Variants in MROH1 observed in about 807,000 individuals in gnomAD.
MROH1 encodes the protein maestro heat-like repeat-containing protein family member 1.
A neutral mutation model predicts 116.5 loss-of-function variants in MROH1; 117 were observed. The ratio of observed to expected loss-of-function variants is 1.00; its 90% CI spans 0.86 to 1.17. The LOEUF (loss-of-function observed/expected upper bound fraction) is 1.17. Among genes scored for constraint, MROH1 ranks in the 50% most tolerant of loss-of-function variants. MROH1 has a pLI of 0.00. For synonymous variants in MROH1, 921 were observed against 583.9 expected (o/e 1.58, Z -8.32); for missense variants, 1,873 against 1,338.5 (o/e 1.40, Z -6.23).
At chr8:144,150,139 TGTG>T (rs1816369029) in intron 1 of MROH1, among the ~76,000 whole-genome samples, 2 of 152,142 alleles carry the variant, frequency 1.3e-5, no homozygotes, top group Non-Finnish European at 2.9e-5. Context: ...GCACCTCTGT[TGTG>T]GGCACAGGTG....
intron 12 of MROH1, among the ~76,000 whole-genome samples, chr8:144,217,587 G>T (rs1835545752): frequency 6.6e-6 from 1 of 152,152 alleles, no homozygotes; most frequent in South Asian, 2.1e-4. Flanking sequence ...AAACCTTATT[G>T]TTGGTTGTTG....
intron 12 of MROH1, among the ~76,000 whole-genome samples, chr8:144,218,681 CCCTCCCCTCTCT>C (rs1427116444): frequency 0.01 from 531 of 52,238 alleles, 7 homozygotes; most frequent in Middle Eastern, 0.041. Flanking sequence ...GTCCCCTCTC[CCCTCCCCTCTCT>C]CCTCCCCTCT....
chr8:144,158,350 A>ACTC (rs1818679211), intron 1 of MROH1, among the ~76,000 whole-genome samples: 1 of 150,066 alleles, frequency 6.7e-6, no homozygotes, highest in Admixed American at 6.6e-5. Flanking sequence ...CTGGTCTCGA[A>ACTC]CTGACCTCAA....
chr8:144,161,543 T>C (rs1819531533), intron 2 of MROH1, among the ~76,000 whole-genome samples: 1 of 152,220 alleles, frequency 6.6e-6, no homozygotes, highest in African/African-American at 2.4e-5. Context: ...GCTGGGCTCT[T>C]AGGGCTCCGC....
intron 1 of MROH1, among the ~76,000 whole-genome samples, 155 bp from the exon 2 acceptor site, chr8:144,160,815 A>G (rs1819341020): frequency 6.6e-6 from 1 of 151,910 alleles, no homozygotes; most frequent in Non-Finnish European, 1.5e-5. Flanking sequence ...GCACCAGACA[A>G]ATTTATTACC....
chr8:144,169,525 C>A lies in MROH1; in HGVS notation c.168+1085C>A, dbSNP rs57936309. Among the ~76,000 whole-genome samples, 3 of 150,840 alleles carry A rather than the reference C, an allele frequency of 2.0e-5. No individual in the cohort carries two copies. In the East Asian group the frequency reaches 5.8e-4, roughly 29 times the overall value. ...TGGAGTGCAGTGGACCATCTCGGCT[C>A]ACTGCAACGTCCACCTCCCGGGTTC... is the stretch of plus-strand genomic sequence containing the variant. On this transcript the variant is annotated intron_variant, in intron 4 of 43. Coordinates refer to ENST00000326134, the MANE Select transcript of MROH1 (RefSeq NM_032450.3).
chr8:144,175,932 C>T (rs1564397916), intron 4 of MROH1, among the ~76,000 whole-genome samples: 1 of 152,134 alleles, frequency 6.6e-6, no homozygotes, highest in Non-Finnish European at 1.5e-5. Context: ...GCCTGTAGTT[C>T]CAGCTGCTCA....
chr8:144,208,250 G>T (rs375984864), intron 12 of MROH1, among the ~76,000 whole-genome samples: 14 of 152,180 alleles, frequency 9.2e-5, no homozygotes, highest in Middle Eastern at 3.4e-3. Flanking sequence ...GGCCTGCAAG[G>T]TTATTTTTAT....
rs1264713402 is a variant in MROH1 at position 144,244,595 on chromosome 8, C to T, written c.2766+56C>T. 19 of 718,642 alleles carry T rather than the reference C, an allele frequency of 2.6e-5. No individual in the cohort carries two copies. The Admixed American group carries it at 3.6e-4, about 14-fold the overall frequency. The allele number at this position is 718,642 out of a possible 1,614,324, so 44.5% of individuals were successfully genotyped here. ...GGATGGGGGCACAGAGGGCACTCCA[C>T]CTGGCTGCTGGCCCTCTCTCCACAT... On this transcript the variant is annotated intron_variant, in intron 28 of 43. Transcript: ENST00000326134.
rs1011710458 is a variant in MROH1, at chr8:144,160,999, C to G, written c.-147C>G. 6.5e-6 allele frequency: 1 copy of G among 152,756 alleles called. No individual in the cohort carries two copies. The highest frequency in any genetic ancestry group is 2.1e-4 in the South Asian group (1 of 4,838). 9.5% of individuals were successfully genotyped at this position (152,756 alleles called of 1,614,324 possible). On this transcript the variant is annotated 5_prime_UTR_variant, in exon 2 of 44. Transcript: ENST00000326134. ...GAAGCTCCTGTTTTCTTGTCAGCCG[C>G]CAGCTGAGGGCCATTCGCAGCTTCT...
chr8:144,190,811 T>A lies in MROH1; in HGVS notation c.590T>A (p.Leu197Gln). The A allele has an allele frequency of 6.2e-7, 1 of 1,613,652 alleles. No individual in the cohort carries two copies. Among genetic ancestry groups the A allele is most frequent in the Non-Finnish European group, 8.5e-7 (1 of 1,179,850 alleles). The change falls in exon 8 of 44, where the codon CTG becomes CAG. Residue 197 changes from leucine (L) to glutamine (Q), a missense_variant. Transcript: ENST00000326134. ...SALQRFSEGA[L>Q]EYLANLDRAP... The stretch of plus-strand genomic sequence containing the variant: ...CTGCAGCGCTTCAGCGAGGGTGCCC[T>A]GGAGTACCTAGCCAACCTGGACCGA...
Position 144,258,469 on chromosome 8 carries a change from C to G in MROH1, c.3792-308C>G, listed in dbSNP as rs1021517062. On this transcript the variant is annotated intron_variant, in intron 35 of 43. Coordinates refer to ENST00000326134, the MANE Select transcript of MROH1 (RefSeq NM_032450.3). Reference sequence around the variant, plus strand: ...TGGGTGCCCAGCAGCGTCTGGGTGTCCGGAAAGGAAGGCCGGTGCAGCCAG... The same window carrying G: ...TGGGTGCCCAGCAGCGTCTGGGTGTGCGGAAAGGAAGGCCGGTGCAGCCAG... Among the ~76,000 whole-genome samples, 3 of 152,162 alleles carry G rather than the reference C, an allele frequency of 2.0e-5. No homozygotes were observed. The East Asian group carries it at 5.8e-4, about 29-fold the overall frequency.
chr8:144,158,012 A>T (rs1410224956), intron 1 of MROH1, among the ~76,000 whole-genome samples: 39 of 62,088 alleles, frequency 6.3e-4, no homozygotes, highest in African/African-American at 7.0e-4. Flanking sequence ...TTTTTTTTTG[A>T]GATGGAGTCT....
At chr8:144,215,313 G>T (rs1205896081) in intron 12 of MROH1, among the ~76,000 whole-genome samples, 2 of 152,214 alleles carry the variant, frequency 1.3e-5, no homozygotes, top group Non-Finnish European at 2.9e-5. Context: ...TGATGAAGAT[G>T]ACCTTAACAC....
intron 4 of MROH1, chr8:144,174,858 T>G: frequency 2.0e-6 from 2 of 985,428 alleles, no homozygotes; most frequent in Non-Finnish European, 2.4e-6. Flanking sequence ...CATAACCCAT[T>G]GCAGACTTGC....
At position 144,255,566 on chromosome 8, in the gene MROH1, G is replaced by C. The variant is rs1020916524; in HGVS notation, c.3652G>C (p.Glu1218Gln). The C allele has an allele frequency of 1.3e-6, 1 of 779,236 alleles. No individual in the cohort carries two copies. Among genetic ancestry groups the C allele is most frequent in the Admixed American group, 1.7e-5 (1 of 59,006 alleles). The allele number at this position is 779,236 out of a possible 1,614,324, so 48.3% of individuals were successfully genotyped here. Residue 1218 changes from glutamate to glutamine, a missense_variant, in exon 35 of 44, where the codon GAG (glutamate) becomes CAG (glutamine). Transcript: ENST00000326134. ...STPAAGPAVLELYPQLFVVLL... is the reference protein window; with the variant it reads ...STPAAGPAVLQLYPQLFVVLL... ...GCCTGCAGCGGGGCCCGCGGTGCTC[G>C]AGCTCTACCCCCAGCTGTTTGTGGT...
Position 144,261,316 on chromosome 8 carries a change from C to G in MROH1, c.4807C>G (p.Gln1603Glu). The change falls in exon 43 of 44, where the codon CAG becomes GAG. Residue 1603 changes from glutamine (Q) to glutamate (E), a missense_variant. Physicochemically the swap from Gln to Glu is conservative, Grantham distance 29. Transcript: ENST00000326134. ...GGTGCTGCACTCGGAGCCCAGGCAG[C>G]AGCCGCAGGTGGACCTGGACCAGCT... ...FLVLHSEPRQ[Q>E]PQVDLDQLIA... The G allele has an allele frequency of 1.4e-6, 1 of 721,824 alleles. No individual in the cohort carries two copies. The highest frequency in any genetic ancestry group is 2.5e-6 in the Non-Finnish European group (1 of 397,348). 44.7% of individuals were successfully genotyped at this position (721,824 alleles called of 1,614,324 possible). A position where few individuals can be genotyped will look rare whatever the true frequency, so the allele number is the denominator to read the frequency against.
intron 12 of MROH1, chr8:144,213,468 T>C (rs553892693): frequency 3.0e-4 from 57 of 187,472 alleles, no homozygotes; most frequent in Non-Finnish European, 6.0e-4. Flanking sequence ...GCCCCGAATA[T>C]TGTGTGGGAC....
intron 14 of MROH1, among the ~76,000 whole-genome samples, chr8:144,223,894 G>A (rs1421020497): frequency 2.0e-5 from 3 of 152,214 alleles, no homozygotes; most frequent in Admixed American, 6.5e-5. Context: ...TCACTGTGGT[G>A]CCCACTGTGC....
Sources: gnomAD v4.1 joint callset for allele counts (sites outside exome capture counted in the v4.1 genomes callset) on GRCh38, gnomAD v4.1.1 for gene constraint, MANE v1.5 for transcripts, NCBI Gene and HGNC (gene_info 2026-07-23, HGNC 2026-07-21) for gene names.